Variants in SLC43A3 observed in about 807,000 individuals in gnomAD.
SLC43A3 encodes the protein equilibrative nucleobase transporter 1.
SLC43A3 carries 33 observed loss-of-function variants against 53.3 expected under a neutral mutation model. The ratio of observed to expected loss-of-function variants is 0.62; its 90% CI spans 0.47 to 0.83. SLC43A3 has a LOEUF of 0.83. Among genes scored for constraint, SLC43A3 ranks in the 40% least tolerant of loss-of-function variants. The pLI, the probability that SLC43A3 is intolerant of heterozygous loss-of-function variation, is 0.00. For missense variants in SLC43A3, 530 were observed against 610.0 expected (o/e 0.87, Z 1.38); for synonymous variants, 236 against 246.2 (o/e 0.96, Z 0.39).
intron 9 of SLC43A3, 126 bp downstream of exon 9, chr11:57,416,447 G>C: frequency 2.9e-6 from 2 of 679,292 alleles, no homozygotes; most frequent in South Asian, 1.8e-5. Flanking sequence ...AGATGCCTAA[G>C]GCCCTTTTTC....
At chr11:57,425,770 C>T in intron 3 of SLC43A3, 100 bp from the exon 4 acceptor site, 2 of 1,554,028 alleles carry the variant, frequency 1.3e-6, no homozygotes, top group Non-Finnish European at 1.7e-6. Context: ...CGGTCGCAAA[C>T]TTGTCCCTTA....
At chr11:57,417,216 T>C (rs1371808826) in intron 8 of SLC43A3, among the ~76,000 whole-genome samples, 1 of 152,232 alleles carries the variant, frequency 6.6e-6, no homozygotes, top group Non-Finnish European at 1.5e-5. Context: ...TGCAGCTCTA[T>C]TTCCCCATGC....
At position 57,427,076 on chromosome 11, in the gene SLC43A3, C is replaced by A. The variant is rs772912373; in HGVS notation, c.-260G>T. The A allele has an allele frequency of 5.3e-5, 8 of 150,302 alleles. No individual in the cohort carries two copies. Among genetic ancestry groups the A allele is most frequent in the Non-Finnish European group, 1.2e-4 (8 of 68,266 alleles). The allele number at this position is 150,302 out of a possible 1,614,324, so 9.3% of individuals were successfully genotyped here. A position where few individuals can be genotyped will look rare whatever the true frequency, so the allele number is the denominator to read the frequency against. On this transcript the variant is annotated 5_prime_UTR_variant, in exon 1 of 14. Transcript: ENST00000395124. ...CTTCGCCCTACCCGCCTGCTCCGCG[C>A]CGGGGCTCTCCGCGCCCTTTCCGCA...
intron 1 of SLC43A3, 52 bp from the exon 2 acceptor site, chr11:57,426,704 C>T (rs908790546): frequency 8.5e-5 from 13 of 153,288 alleles, no homozygotes; most frequent in African/African-American, 3.1e-4. Flanking sequence ...AGATTTCATA[C>T]AGAAGACACA....
intron 7 of SLC43A3, among the ~76,000 whole-genome samples, chr11:57,418,756 G>A (rs576730284): frequency 3.3e-5 from 5 of 152,094 alleles, no homozygotes; most frequent in Non-Finnish European, 4.4e-5. Flanking sequence ...GGGGCATGGT[G>A]GCACGCACCT....
chr11:57,421,173 G>A (rs777562730), intron 6 of SLC43A3, 109 bp from the exon 7 acceptor site: 27 of 1,199,814 alleles, frequency 2.3e-5, no homozygotes, highest in Non-Finnish European at 2.8e-5. Context: ...ACCCTCCACC[G>A]CTAGAGCTCC....
At chr11:57,409,101 A>T (rs1942333838) in intron 13 of SLC43A3, 74 bp downstream of exon 13, 1 of 1,511,256 alleles carries the variant, frequency 6.6e-7, no homozygotes, top group Non-Finnish European at 9.2e-7. Context: ...CCAGGCCATC[A>T]CAGCCAGATT....
In SLC43A3 at chr11:57,409,197, G is replaced by A. The variant is rs200096700; in HGVS notation, c.1349C>T (p.Ser450Phe). Reference protein sequence around the residue: ...QFPIFTLIKGSLQNDPFYVNV... With the variant: ...QFPIFTLIKGFLQNDPFYVNV... The stretch of plus-strand genomic sequence containing the variant: ...CACGTAAAATGGGTCATTCTGAAGG[G>A]AGCCTTTGATGAGGGTGAAGATGGG... Residue 450 changes from serine (S) to phenylalanine (F), a missense_variant, in exon 13 of 14, where the codon TCC becomes TTC. Coordinates refer to ENST00000395124, the MANE Select transcript of SLC43A3 (RefSeq NM_199329.3). The A allele has an allele frequency of 1.6e-5, 26 of 1,614,198 alleles. No homozygotes were observed. Among genetic ancestry groups the A allele is most frequent in the East Asian group, 1.1e-4 (5 of 44,890 alleles).
In SLC43A3 at chr11:57,414,721, G is replaced by A; in HGVS notation, c.954C>T (p.Tyr318=). 1.2e-6 allele frequency: 2 copies of A among 1,613,596 alleles called. No individual in the cohort carries two copies. Among genetic ancestry groups the A allele is most frequent in the Non-Finnish European group, 1.7e-6 (2 of 1,179,538 alleles). The change falls in exon 11 of 14, where the codon TAC becomes TAT. Residue 318 remains tyrosine (Y), a synonymous_variant. Transcript: ENST00000395124. ...ACTGAGTGAAGGCAAAGGCATTTGT[G>A]TAGGTGCTGACTGCAGAAGGAAGAG... ...AGGDMARVST[Y]TNAFAFTQFG... is the part of the protein sequence containing the mutation.
At position 57,410,159 on chromosome 11, in the gene SLC43A3, C is replaced by T. The variant is rs1027314233; in HGVS notation, c.1061-38G>A. 3.3e-6 allele frequency: 5 copies of T among 1,504,496 alleles called. No homozygotes were observed. In the African/African-American group the frequency reaches 4.2e-5, roughly 13 times the overall value. 93.2% of individuals were successfully genotyped at this position (1,504,496 alleles called of 1,614,324 possible). ...AGAGGAAAAAGAAGCTCTCTGTAGG[C>T]CAACCCAACAGAAGTCAGCGAAGGG... On this transcript the variant is annotated intron_variant, in intron 11 of 13. Transcript: ENST00000395124.
At position 57,408,978 on chromosome 11, in the gene SLC43A3, G is replaced by C. The variant is rs963957403; in HGVS notation, c.1371+197C>G. On this transcript the variant is annotated intron_variant, in intron 13 of 13. Coordinates refer to ENST00000395124, the MANE Select transcript of SLC43A3 (RefSeq NM_199329.3). The stretch of plus-strand genomic sequence containing the variant: ...GTCTCAGGATTTTGCTTGAAGTTTC[G>C]TGAGAATTCCCCACCCTACTCCAGA... 7.2e-5 allele frequency among the ~76,000 whole-genome samples: 11 copies of C among 152,338 alleles called. No homozygotes were observed. In the East Asian group the frequency reaches 2.1e-3, roughly 29 times the overall value.
chr11:57,415,433 A>C, intron 9 of SLC43A3: 2 of 1,331,254 alleles, frequency 1.5e-6, no homozygotes, highest in Non-Finnish European at 2.0e-6. Context: ...AACGACAAGG[A>C]GAGGAGAAAG....
At position 57,406,969 on chromosome 11, in the gene SLC43A3, A is replaced by C. The variant is rs1942250227; in HGVS notation, c.*823T>G. The C allele has an allele frequency of 6.6e-6, 1 of 152,216 alleles. No homozygotes were observed. The highest frequency in any genetic ancestry group is 1.5e-5 in the Non-Finnish European group (1 of 68,078). 9.4% of individuals were successfully genotyped at this position (152,216 alleles called of 1,614,324 possible). Reference sequence around the variant, plus strand: ...GAAACAGTAGTTGCCTTAGACACAGAAGCTTTATTTTTCTATAAAATTATT... The same window carrying C: ...GAAACAGTAGTTGCCTTAGACACAGCAGCTTTATTTTTCTATAAAATTATT... On this transcript the variant is annotated 3_prime_UTR_variant, in exon 14 of 14. Coordinates refer to ENST00000395124, the MANE Select transcript of SLC43A3 (RefSeq NM_199329.3).
At chr11:57,408,778 G>A (rs1942317812) in intron 13 of SLC43A3, 1 of 184,656 alleles carries the variant, frequency 5.4e-6, no homozygotes, top group African/African-American at 2.4e-5. Flanking sequence ...GCAAAGAGCA[G>A]GAGACTCACG....
chr11:57,425,701 C>T, intron 3 of SLC43A3, 31 bp from the exon 4 acceptor site: 1 of 1,612,610 alleles, frequency 6.2e-7, no homozygotes, highest in South Asian at 1.1e-5. Context: ...CCCATGCATC[C>T]CAGCCTTCCT....
Position 57,413,987 on chromosome 11 carries a change from T to C in SLC43A3, c.1060+628A>G, listed in dbSNP as rs547870657. Among the ~76,000 whole-genome samples the C allele has an allele frequency of 2.0e-5, 3 of 152,334 alleles. No individual in the cohort carries two copies. The East Asian group carries it at 5.8e-4, about 29-fold the overall frequency. ...TCCCATCCTCACCTAGAACAGATTA[T>C]GTGCGCTTCTTTGTGCCCCCCATGG... On this transcript the variant is annotated intron_variant, in intron 11 of 13. Coordinates refer to ENST00000395124, the MANE Select transcript of SLC43A3 (RefSeq NM_199329.3).
intron 5 of SLC43A3, among the ~76,000 whole-genome samples, chr11:57,422,786 T>C (rs527565419): frequency 1.3e-5 from 2 of 152,288 alleles, no homozygotes; most frequent in East Asian, 3.9e-4. Context: ...TGCTTAAAAA[T>C]CATTTACAGG....
At chr11:57,425,427 G>T in intron 4 of SLC43A3, 114 bp downstream of exon 4, 2 of 1,088,730 alleles carry the variant, frequency 1.8e-6, no homozygotes, top group East Asian at 2.4e-5. Context: ...AGCTGCAGGT[G>T]TGGTGCCTGG....
rs1230614683 is a variant in SLC43A3, at chr11:57,426,661, A to G, written c.-245-9T>C. 1 of 154,840 alleles carries G rather than the reference A, an allele frequency of 6.5e-6. No homozygotes were observed. The highest frequency in any genetic ancestry group is 1.4e-5 in the Non-Finnish European group (1 of 69,714). The allele number at this position is 154,840 out of a possible 1,614,324, so 9.6% of individuals were successfully genotyped here. A position where few individuals can be genotyped will look rare whatever the true frequency, so the allele number is the denominator to read the frequency against. On this transcript the variant is annotated splice_polypyrimidine_tract_variant and intron_variant, in intron 1 of 13. Coordinates refer to ENST00000395124, the MANE Select transcript of SLC43A3 (RefSeq NM_199329.3). The stretch of plus-strand genomic sequence containing the variant: ...ATTCTGAATACCGTCCCCTAAAATA[A>G]TGACAGCAACTCAACCAGGTGCAGA...
Sources: allele counts gnomAD v4.1 joint callset (sites outside exome capture counted in the v4.1 genomes callset), GRCh38; gene constraint gnomAD v4.1.1; transcripts MANE v1.5; gene names NCBI Gene and HGNC (gene_info 2026-07-23, HGNC 2026-07-21).